Variants in NAALADL2 observed in about 807,000 individuals in gnomAD.
NAALADL2 encodes the protein inactive N-acetylated-alpha-linked acidic dipeptidase-like protein 2.
NAALADL2 carries 76 observed loss-of-function variants against 87.2 expected under a neutral mutation model. That is an observed-to-expected ratio of 0.87 (90% CI 0.72 to 1.05). The LOEUF (loss-of-function observed/expected upper bound fraction) is 1.05. Among genes scored for constraint, NAALADL2 ranks in the 50% least tolerant of loss-of-function variants. The pLI is 0.00. For missense variants in NAALADL2, 1,089 were observed against 945.8 expected (o/e 1.15, Z -1.99); for synonymous variants, 354 against 331.0 (o/e 1.07, Z -0.75).
chr3:174,698,580 C>T (rs1205384660), intron 2 of NAALADL2, among the ~76,000 whole-genome samples: 3 of 139,348 alleles, frequency 2.2e-5, no homozygotes, highest in Non-Finnish European at 4.5e-5. Flanking sequence ...TTTAAAATTT[C>T]ATGGCCGGGC....
chr3:175,684,120 G>C (rs1351476118), intron 11 of NAALADL2, among the ~76,000 whole-genome samples: 1 of 151,122 alleles, frequency 6.6e-6, no homozygotes, highest in Non-Finnish European at 1.5e-5. Context: ...CAGTGTTAAA[G>C]AGCCAGCAGA....
intron 11 of NAALADL2, among the ~76,000 whole-genome samples, chr3:175,656,065 G>C (rs1731422495): frequency 1.3e-5 from 2 of 152,086 alleles, no homozygotes; most frequent in African/African-American, 4.8e-5. Flanking sequence ...TCTCAAAGCT[G>C]GTTAATACTA....
chr3:175,612,226 G>T (rs998853785), intron 10 of NAALADL2, among the ~76,000 whole-genome samples: 4 of 152,218 alleles, frequency 2.6e-5, no homozygotes, highest in African/African-American at 9.6e-5. Context: ...TACAGGAGAA[G>T]AGGGAAGGAC....
intron 3 of NAALADL2, among the ~76,000 whole-genome samples, chr3:174,770,342 A>G (rs910057907): frequency 3.9e-5 from 6 of 152,210 alleles, no homozygotes; most frequent in African/African-American, 1.4e-4. Context: ...AAAGATGTTA[A>G]ATTGGTGAGA....
At chr3:175,505,092 T>A (rs776085341) in intron 9 of NAALADL2, among the ~76,000 whole-genome samples, 1 of 152,058 alleles carries the variant, frequency 6.6e-6, no homozygotes, top group East Asian at 1.9e-4. Context: ...AGTCACCATG[T>A]AAAAATCTCC....
intron 1 of NAALADL2, among the ~76,000 whole-genome samples, chr3:174,879,887 A>G (rs531373731): frequency 2.0e-4 from 30 of 152,112 alleles, no homozygotes; most frequent in African/African-American, 6.3e-4. Flanking sequence ...TAAATTCTCA[A>G]TCTTCTTCCT....
At chr3:175,782,956 A>G (rs1237224206) in intron 13 of NAALADL2, among the ~76,000 whole-genome samples, 2 of 147,602 alleles carry the variant, frequency 1.4e-5, no homozygotes, top group Non-Finnish European at 3.0e-5. Flanking sequence ...CATTTATTAA[A>G]TAGGGAATCC....
chr3:175,756,709 T>G (rs1747310226), intron 13 of NAALADL2, among the ~76,000 whole-genome samples: 1 of 152,060 alleles, frequency 6.6e-6, no homozygotes, highest in African/African-American at 2.4e-5. Context: ...GGGTACACTG[T>G]TCACTATTTG....
intron 9 of NAALADL2, among the ~76,000 whole-genome samples, chr3:175,499,501 G>C (rs542561079): frequency 2.0e-5 from 3 of 150,424 alleles, no homozygotes; most frequent in Admixed American, 6.6e-5. Flanking sequence ...TTTTTTCTGA[G>C]CTCTAGTCTT....
chr3:175,768,737 A>G (rs1749082685), intron 13 of NAALADL2, among the ~76,000 whole-genome samples: 1 of 151,958 alleles, frequency 6.6e-6, no homozygotes, highest in African/African-American at 2.4e-5. Context: ...CTGTAGTCCT[A>G]GCTTCTCAGG....
intron 1 of NAALADL2, among the ~76,000 whole-genome samples, chr3:175,045,631 G>A (rs149562820): frequency 3.9e-5 from 6 of 152,180 alleles, no homozygotes; most frequent in Admixed American, 2.6e-4. Context: ...ACAGTATAGC[G>A]GCCAGTATGA....
chr3:175,337,094 A>C (rs950187038), intron 5 of NAALADL2, among the ~76,000 whole-genome samples: 1 of 149,366 alleles, frequency 6.7e-6, no homozygotes, highest in Admixed American at 6.6e-5. Flanking sequence ...CTGTCATTTC[A>C]ATATTCCAAG....
chr3:175,558,634 T>G (rs1019318764), intron 9 of NAALADL2, among the ~76,000 whole-genome samples: 1 of 152,204 alleles, frequency 6.6e-6, no homozygotes, highest in Non-Finnish European at 1.5e-5. Flanking sequence ...TTCATTCTTT[T>G]GCATATGGAC....
chr3:175,734,068 T>A (rs1008464311), intron 11 of NAALADL2, among the ~76,000 whole-genome samples: 1 of 152,262 alleles, frequency 6.6e-6, no homozygotes, highest in Admixed American at 6.5e-5. Context: ...TGTTGGTGGA[T>A]CTACCATTCT....
At chr3:175,459,394 C>T (rs959225520) in intron 6 of NAALADL2, among the ~76,000 whole-genome samples, 1 of 151,736 alleles carries the variant, frequency 6.6e-6, no homozygotes, top group African/African-American at 2.4e-5. Context: ...ATCAGATTGA[C>T]CTTCTAGATC....
At chr3:175,169,032 A>ATAT (rs1194890103) in intron 2 of NAALADL2, among the ~76,000 whole-genome samples, 1 of 151,792 alleles carries the variant, frequency 6.6e-6, no homozygotes, top group Non-Finnish European at 1.5e-5. Flanking sequence ...CTGTTCACAT[A>ATAT]TATTACCACC....
chr3:175,717,096 CAT>C (rs1341567591), intron 11 of NAALADL2, among the ~76,000 whole-genome samples: 1 of 152,154 alleles, frequency 6.6e-6, no homozygotes, highest in Non-Finnish European at 1.5e-5. Context: ...GATAAAATGA[CAT>C]AGCCTTTGAA....
chr3:174,807,070 C>T (rs9829546), intron 3 of NAALADL2, among the ~76,000 whole-genome samples: 6,045 of 151,980 alleles, frequency 0.04, 421 homozygotes, highest in African/African-American at 0.14. Context: ...AATAAAAGTA[C>T]CTACTAGAAA....
At chr3:175,394,356 A>AAGG (rs1769491256) in intron 5 of NAALADL2, among the ~76,000 whole-genome samples, 1 of 152,182 alleles carries the variant, frequency 6.6e-6, no homozygotes, top group Admixed American at 6.5e-5. Context: ...AAATAATTTG[A>AAGG]AGGGAGGACT....
Sources: gnomAD v4.1 joint callset for allele counts (sites outside exome capture counted in the v4.1 genomes callset) on GRCh38, gnomAD v4.1.1 for gene constraint, MANE v1.5 for transcripts, NCBI Gene and HGNC (gene_info 2026-07-23, HGNC 2026-07-21) for gene names.